The following PCDHGA4 variants were observed in gnomAD, a reference collection of about 807,000 sequenced individuals.
PCDHGA4 encodes protocadherin gamma-A4.
PCDHGA4 carries 38 observed loss-of-function variants against 54.6 expected under a neutral mutation model. That is an observed-to-expected ratio of 0.70 (90% CI 0.54 to 0.91). PCDHGA4 has a LOEUF of 0.91. PCDHGA4 is among the 40% of genes least tolerant of loss of function. PCDHGA4 has a pLI of 0.00. For synonymous variants in PCDHGA4, 511 were observed against 512.9 expected, an observed-to-expected ratio of 1.00 and a Z score of 0.05; for missense variants, 1,298 against 1,220.9, an observed-to-expected ratio of 1.06 and a Z score of -0.94.
At chr5:141,371,602 G>A in intron 1 of PCDHGA4, 1 of 1,613,990 alleles carries the variant, frequency 6.2e-7, no homozygotes, top group East Asian at 2.2e-5. Context: ...AACACATACA[G>A]GTTGGTGACA....
At chr5:141,406,544 T>A (rs1254762260) in intron 1 of PCDHGA4, among the ~76,000 whole-genome samples, 1 of 152,222 alleles carries the variant, frequency 6.6e-6, no homozygotes, top group Non-Finnish European at 1.5e-5. Context: ...AGATTCAAAC[T>A]TCAGTTATCC....
At chr5:141,414,230 C>T in intron 1 of PCDHGA4, 5 of 1,613,308 alleles carry the variant, frequency 3.1e-6, no homozygotes, top group Non-Finnish European at 4.2e-6. Flanking sequence ...CCAGAGCTGA[C>T]CATCACGTCT....
At chr5:141,376,928 C>G (rs928041482) in intron 1 of PCDHGA4, 1 of 168,908 alleles carries the variant, frequency 5.9e-6, no homozygotes, top group Non-Finnish European at 1.3e-5. Flanking sequence ...ACCTCATGAT[C>G]CACCCGCCTC....
chr5:141,366,628 T>A, intron 1 of PCDHGA4: 1 of 1,614,132 alleles, frequency 6.2e-7, no homozygotes, highest in Admixed American at 1.7e-5. Flanking sequence ...CGAGGAAGAG[T>A]CACCTGATCT....
chr5:141,456,324 G>T (rs757059960), intron 1 of PCDHGA4, among the ~76,000 whole-genome samples: 15 of 152,166 alleles, frequency 9.9e-5, no homozygotes, highest in Non-Finnish European at 2.9e-5. Context: ...TCCTCCTGGG[G>T]TTGATCTAAG....
intron 1 of PCDHGA4, chr5:141,405,417 TTTTTG>T (rs767701229): frequency 7.0e-6 from 11 of 1,563,080 alleles, no homozygotes; most frequent in Non-Finnish European, 8.7e-6. Flanking sequence ...CTTTTTTTGT[TTTTTG>T]TTTTGTTTTG....
intron 1 of PCDHGA4, among the ~76,000 whole-genome samples, chr5:141,465,343 TG>T (rs1048302340): frequency 1.5e-4 from 23 of 152,118 alleles, no homozygotes; most frequent in African/African-American, 5.3e-4. Flanking sequence ...TATTGGTTAC[TG>T]AAGAAAAAAT....
intron 1 of PCDHGA4, chr5:141,399,842 A>T (rs749737928): frequency 6.2e-7 from 1 of 1,612,970 alleles, no homozygotes; most frequent in South Asian, 1.1e-5. Context: ...GCGCTCTTCG[A>T]TATGGTGCCG....
chr5:141,478,461 T>C, intron 1 of PCDHGA4: 1 of 1,613,254 alleles, frequency 6.2e-7, no homozygotes, highest in East Asian at 2.2e-5. Flanking sequence ...GCCAGTCCAC[T>C]GGCCAGCCGC....
intron 1 of PCDHGA4, chr5:141,366,464 C>T (rs770814147): frequency 6.2e-7 from 1 of 1,614,226 alleles, no homozygotes; most frequent in Non-Finnish European, 8.5e-7. Flanking sequence ...CATCGTGCTG[C>T]TGGTGCTCAG....
chr5:141,356,200 C>A lies in PCDHGA4; in HGVS notation c.1093C>A (p.Leu365Met), dbSNP rs770189453. The change falls in exon 1 of 4, where the codon CTG (leucine) becomes ATG (methionine). Residue 365 changes from leucine (L) to methionine (M), a missense_variant. By Grantham distance (15) the Leu-to-Met change is conservative (BLOSUM62 2). Transcript: ENST00000571252. ...TGGTCTCCGAGCTAGAAGCAAGGTA[C>A]TGGTGACAGTTCTGGATGAAAATGA... Reference protein sequence around the residue: ...GPGLRARSKVLVTVLDENDNA... With the variant: ...GPGLRARSKVMVTVLDENDNA... 3.1e-6 allele frequency: 5 copies of A among 1,608,320 alleles called. No homozygotes were observed. The Admixed American group carries it at 8.5e-5, about 27-fold the overall frequency.
chr5:141,372,455 G>C, intron 1 of PCDHGA4: 1 of 1,614,060 alleles, frequency 6.2e-7, no homozygotes, highest in Non-Finnish European at 8.5e-7. Flanking sequence ...CTCAGGCGGA[G>C]CTACAGTTTC....
At chr5:141,473,402 T>C (rs1019157713) in intron 1 of PCDHGA4, among the ~76,000 whole-genome samples, 7 of 152,224 alleles carry the variant, frequency 4.6e-5, no homozygotes, top group Non-Finnish European at 7.3e-5. Flanking sequence ...CTTCTTTTTT[T>C]CTTCTTCAGT....
In PCDHGA4 at chr5:141,355,387, G is replaced by C. The variant is rs772142842; in HGVS notation, c.280G>C (p.Gly94Arg). The change falls in exon 1 of 4, where the codon GGA (glycine) becomes CGA (arginine). Residue 94 changes from glycine (G) to arginine (R), a missense_variant. Transcript: ENST00000571252. The stretch of plus-strand genomic sequence containing the variant: ...GGCGCCCCGGGAGCTGGCGGAGCGC[G>C]GAGTCCGCATCGTCTCCAGAGGTAG... The part of the protein sequence containing the change: ...GLAPRELAER[G>R]VRIVSRGRTQ... 1.1e-5 allele frequency: 18 copies of C among 1,613,946 alleles called. No homozygotes were observed. Among genetic ancestry groups the C allele is most frequent in the Admixed American group, 6.7e-5 (4 of 60,014 alleles).
chr5:141,408,013 CCA>C, intron 1 of PCDHGA4: 1 of 989,288 alleles, frequency 1.0e-6, no homozygotes, highest in Non-Finnish European at 1.4e-6. Flanking sequence ...CCCTGCGCAG[CCA>C]ACAACAGAAA....
intron 1 of PCDHGA4, among the ~76,000 whole-genome samples, chr5:141,466,360 G>A (rs2099121274): frequency 6.6e-6 from 1 of 152,070 alleles, no homozygotes; most frequent in South Asian, 2.1e-4. Context: ...TAATCTAGAT[G>A]TAATGGTTTT....
intron 2 of PCDHGA4, among the ~76,000 whole-genome samples, chr5:141,503,824 C>G (rs1216231770): frequency 1.3e-5 from 2 of 152,058 alleles, no homozygotes; most frequent in South Asian, 4.1e-4. Context: ...TTGGGCAAAA[C>G]CAAAAGCAGG....
At chr5:141,371,511 G>T (rs747916078) in intron 1 of PCDHGA4, 7 of 1,613,850 alleles carry the variant, frequency 4.3e-6, no homozygotes, top group East Asian at 2.2e-5. Context: ...CAAAACACAT[G>T]ATCTAGATTC....
intron 1 of PCDHGA4, chr5:141,383,876 G>A (rs747987128): frequency 3.7e-6 from 6 of 1,613,860 alleles, no homozygotes; most frequent in African/African-American, 1.3e-5. Context: ...GATGGTCCTG[G>A]TAGTCTGACA....
Sources: gnomAD v4.1 joint callset for allele counts (sites outside exome capture counted in the v4.1 genomes callset) on GRCh38, gnomAD v4.1.1 for gene constraint, MANE v1.5 for transcripts, NCBI Gene and HGNC (gene_info 2026-07-23, HGNC 2026-07-21) for gene names.